EEA1: variants seen among roughly 807,000 people sequenced by gnomAD.
EEA1 encodes the protein early endosome antigen 1, also known as early endosome antigen 1, 162kD.
EEA1 carries 111 observed loss-of-function variants against 209.2 expected under a neutral mutation model. The observed-to-expected ratio is 0.53, with a 90% CI of 0.45 to 0.62. The LOEUF is 0.62. Among genes scored for constraint, EEA1 ranks in the 20% least tolerant of loss-of-function variants. The pLI, the probability that EEA1 is intolerant of heterozygous loss-of-function variation, is 0.00. For missense variants in EEA1, 1,343 were observed against 1,530.8 expected (o/e 0.88, Z 2.05); for synonymous variants, 536 against 540.6 (o/e 0.99, Z 0.12).
intron 1 of EEA1, among the ~76,000 whole-genome samples, chr12:92,901,311 C>T (rs1383244450): frequency 6.6e-6 from 1 of 152,114 alleles, no homozygotes; most frequent in Admixed American, 6.5e-5. Flanking sequence ...CTCACCCTCC[C>T]AAAGTGCTGG....
intron 19 of EEA1, 72 bp from the exon 20 acceptor site, chr12:92,801,773 T>C: frequency 9.7e-7 from 1 of 1,031,060 alleles, no homozygotes; most frequent in Non-Finnish European, 1.4e-6. Flanking sequence ...TTTATAACCT[T>C]AGTAAGATAC....
chr12:92,874,067 C>A (rs1878766110), intron 2 of EEA1, among the ~76,000 whole-genome samples: 1 of 151,972 alleles, frequency 6.6e-6, no homozygotes. Context: ...AATGCCAGCA[C>A]TTTGGGAGGC....
chr12:92,831,942 C>T (rs929836314), intron 11 of EEA1, among the ~76,000 whole-genome samples: 5 of 150,114 alleles, frequency 3.3e-5, no homozygotes, highest in Non-Finnish European at 7.4e-5. Context: ...AAAAAATTAG[C>T]CGGGCGCGGT....
intron 1 of EEA1, among the ~76,000 whole-genome samples, chr12:92,898,556 C>A (rs529522365): frequency 1.3e-5 from 2 of 151,304 alleles, no homozygotes; most frequent in African/African-American, 4.9e-5. Context: ...CCCAGCTATT[C>A]GGGAGGCTGA....
At chr12:92,808,990 A>C in intron 18 of EEA1, 27 bp downstream of exon 18, 5 of 1,555,568 alleles carry the variant, frequency 3.2e-6, no homozygotes, top group Non-Finnish European at 3.5e-6. Flanking sequence ...TTTTCCCTTA[A>C]TTTGTAAGTA....
At chr12:92,886,161 A>G (rs1016247724) in intron 2 of EEA1, among the ~76,000 whole-genome samples, 2 of 150,940 alleles carry the variant, frequency 1.3e-5, no homozygotes, top group Non-Finnish European at 1.5e-5. Flanking sequence ...TAAAGCAAAG[A>G]ACAAGGAACT....
intron 20 of EEA1, 24 bp downstream of exon 20, chr12:92,801,576 T>A (rs1282536468): frequency 2.7e-6 from 4 of 1,490,132 alleles, no homozygotes; most frequent in Non-Finnish European, 3.7e-6. Context: ...TTACAGATTT[T>A]ATGTTACAAA....
At chr12:92,805,853 C>T (rs1043086228) in intron 18 of EEA1, among the ~76,000 whole-genome samples, 1 of 152,028 alleles carries the variant, frequency 6.6e-6, no homozygotes, top group African/African-American at 2.4e-5. Flanking sequence ...CGTATAGGTC[C>T]CAATAACTTC....
chr12:92,886,891 G>A (rs143879815), intron 2 of EEA1, among the ~76,000 whole-genome samples: 8 of 151,720 alleles, frequency 5.3e-5, no homozygotes, highest in Non-Finnish European at 1.0e-4. Flanking sequence ...CCAGCTACTC[G>A]GGAGGCTGAG....
intron 16 of EEA1, among the ~76,000 whole-genome samples, chr12:92,812,665 T>C (rs1412200991): frequency 6.6e-6 from 1 of 152,136 alleles, no homozygotes; most frequent in African/African-American, 2.4e-5. Context: ...CTTGAAGGGA[T>C]GGGGCAACAA....
At chr12:92,900,691 C>T (rs1408006518) in intron 1 of EEA1, among the ~76,000 whole-genome samples, 1 of 146,922 alleles carries the variant, frequency 6.8e-6, no homozygotes, top group Non-Finnish European at 1.5e-5. Flanking sequence ...TTTTTTGAGG[C>T]ACAGTCTCAC....
At chr12:92,872,006 G>A (rs982421015) in intron 2 of EEA1, among the ~76,000 whole-genome samples, 21 of 151,514 alleles carry the variant, frequency 1.4e-4, no homozygotes, top group East Asian at 3.9e-4. Flanking sequence ...TCAGCCTCCC[G>A]AGTAGCTGGG....
At chr12:92,872,310 A>G (rs1878690223) in intron 2 of EEA1, among the ~76,000 whole-genome samples, 1 of 152,176 alleles carries the variant, frequency 6.6e-6, no homozygotes, top group South Asian at 2.1e-4. Flanking sequence ...CGGCCTCCCA[A>G]GGTACTGGGA....
Position 92,827,792 on chromosome 12 carries a change from A to G in EEA1, c.1404+120T>C, listed in dbSNP as rs908767633. On this transcript the variant is annotated intron_variant, in intron 12 of 28. Coordinates refer to ENST00000322349, the MANE Select transcript of EEA1 (RefSeq NM_003566.4). ...TTAATAAGCAAGATGTTGCTATTGGAGAGCAATAAATTTGCACTTTAAAAA... is the reference window on the plus strand; with the variant it reads ...TTAATAAGCAAGATGTTGCTATTGGGGAGCAATAAATTTGCACTTTAAAAA... 5.8e-6 allele frequency: 6 copies of G among 1,035,690 alleles called. No homozygotes were observed. In the South Asian group the frequency reaches 1.2e-4, roughly 21 times the overall value. 64.2% of individuals were successfully genotyped at this position (1,035,690 alleles called of 1,614,324 possible).
chr12:92,805,183 C>T (rs918683561), intron 18 of EEA1, among the ~76,000 whole-genome samples: 3 of 152,034 alleles, frequency 2.0e-5, no homozygotes, highest in Non-Finnish European at 4.4e-5. Flanking sequence ...TAATGATGAA[C>T]CATTTGGTTG....
intron 6 of EEA1, 114 bp from the exon 7 acceptor site, chr12:92,853,139 T>C: frequency 1.6e-6 from 1 of 630,860 alleles, no homozygotes; most frequent in Non-Finnish European, 2.6e-6. Flanking sequence ...ATTATCCAAT[T>C]ACAAGTAGTA....
intron 1 of EEA1, among the ~76,000 whole-genome samples, chr12:92,921,320 T>C (rs1045244002): frequency 6.9e-5 from 9 of 130,822 alleles, no homozygotes; most frequent in African/African-American, 2.7e-4. Flanking sequence ...TGCGGCACTA[T>C]TCACAATAGC....
intron 9 of EEA1, among the ~76,000 whole-genome samples, chr12:92,847,918 G>A (rs554636523): frequency 6.6e-6 from 1 of 152,180 alleles, no homozygotes; most frequent in Non-Finnish European, 1.5e-5. Flanking sequence ...AAAAGAGTAA[G>A]AGTTTGTTTC....
chr12:92,792,426 TA>T (rs1173402426), intron 21 of EEA1, among the ~76,000 whole-genome samples: 1 of 151,412 alleles, frequency 6.6e-6, no homozygotes, highest in African/African-American at 2.4e-5. Flanking sequence ...ATAGATGCAA[TA>T]AAAAAATGAT....
Sources: gnomAD v4.1 joint callset for allele counts (sites outside exome capture counted in the v4.1 genomes callset) on GRCh38, gnomAD v4.1.1 for gene constraint, MANE v1.5 for transcripts, NCBI Gene and HGNC (gene_info 2026-07-23, HGNC 2026-07-21) for gene names.